Variants in TBC1D12 observed in about 807,000 individuals in gnomAD.
The protein encoded by TBC1D12 is TBC1 domain family, member 12.
Under a neutral mutation model 86.7 loss-of-function variants are expected in TBC1D12, and 56 were observed. The ratio of observed to expected loss-of-function variants is 0.65; its 90% CI spans 0.52 to 0.81. The LOEUF (loss-of-function observed/expected upper bound fraction) is 0.81, where lower values mean the gene tolerates loss of function less well. TBC1D12 is among the 30% of genes least tolerant of loss of function. The pLI is 0.00. For synonymous variants in TBC1D12, 421 were observed against 411.7 expected, an observed-to-expected ratio of 1.02 and a Z score of -0.27; for missense variants, 1,023 against 1,038.8, an observed-to-expected ratio of 0.98 and a Z score of 0.21.
chr10:94,513,452 G>A (rs1334478027), intron 9 of TBC1D12, among the ~76,000 whole-genome samples: 2 of 152,186 alleles, frequency 1.3e-5, no homozygotes, highest in South Asian at 2.1e-4. Context: ...TTTAAATACT[G>A]TAATAAATTT....
intron 2 of TBC1D12, among the ~76,000 whole-genome samples, chr10:94,463,674 GT>G (rs1289022694): frequency 2.0e-5 from 3 of 152,090 alleles, no homozygotes; most frequent in African/African-American, 2.4e-5. Context: ...TGCAATTTTA[GT>G]TTTTTTCAAT....
chr10:94,428,834 TGA>T (rs2055179729), intron 1 of TBC1D12, among the ~76,000 whole-genome samples: 1 of 150,202 alleles, frequency 6.7e-6, no homozygotes, highest in Admixed American at 6.6e-5. Context: ...TTCAGCCTTC[TGA>T]GTAGCTGGGA....
chr10:94,488,646 C>G, intron 3 of TBC1D12, among the ~76,000 whole-genome samples: 1 of 151,672 alleles, frequency 6.6e-6, no homozygotes, highest in Non-Finnish European at 1.5e-5. Context: ...CCCGCTTCCA[C>G]CTTCCAAAGT....
At position 94,403,333 on chromosome 10, in the gene TBC1D12, CG is replaced by C; in HGVS notation, c.725del (p.Gly242ValfsTer38). ...ACTCAGAGCAGCGGGGAGTCGGCGC[CG>C]GGGGTCCCGAGGAGGGCGCGCCCCC... ...EDSEQRGVGA[G>X]GPEEGAPPAT... On this transcript the variant is annotated frameshift_variant, in exon 1 of 13. Coordinates refer to ENST00000225235, the MANE Select transcript of TBC1D12 (RefSeq NM_015188.2). LOFTEE classifies it high-confidence loss of function. 6.6e-7 allele frequency: 1 copy of C among 1,520,896 alleles called. No individual in the cohort carries two copies. Among genetic ancestry groups the C allele is most frequent in the Non-Finnish European group, 8.8e-7 (1 of 1,135,074 alleles). The allele number at this position is 1,520,896 out of a possible 1,614,324, so 94.2% of individuals were successfully genotyped here.
chr10:94,508,244 CT>C (rs918704035), intron 7 of TBC1D12, among the ~76,000 whole-genome samples: 20 of 147,980 alleles, frequency 1.4e-4, no homozygotes, highest in Admixed American at 2.0e-4. Flanking sequence ...TATACTCTCT[CT>C]TTTTTTTTTC....
At chr10:94,407,417 C>G (rs2054869715) in intron 1 of TBC1D12, among the ~76,000 whole-genome samples, 1 of 152,164 alleles carries the variant, frequency 6.6e-6, no homozygotes, top group South Asian at 2.1e-4. Context: ...CGCAGTGGCT[C>G]ACGCCTGTAA....
At chr10:94,469,525 T>G (rs965771948) in intron 2 of TBC1D12, among the ~76,000 whole-genome samples, 1 of 145,452 alleles carries the variant, frequency 6.9e-6, no homozygotes, top group African/African-American at 2.5e-5. Context: ...CTCGGCTCAC[T>G]GCAACCCTCT....
intron 1 of TBC1D12, among the ~76,000 whole-genome samples, chr10:94,425,449 G>A (rs2055133002): frequency 6.6e-6 from 1 of 152,232 alleles, no homozygotes; most frequent in Admixed American, 6.5e-5. Flanking sequence ...AGGGCATTGT[G>A]AAGGTTACAT....
At chr10:94,487,222 G>A (rs1438053223) in intron 3 of TBC1D12, among the ~76,000 whole-genome samples, 4 of 147,748 alleles carry the variant, frequency 2.7e-5, no homozygotes, top group African/African-American at 7.4e-5. Flanking sequence ...GTGTTTCTTG[G>A]AGGCATCATA....
In TBC1D12 at chr10:94,459,888, C is replaced by A. The variant is rs544111847; in HGVS notation, c.1096-14780C>A. ...TCCTGCCTGCACCTCTCACTCCACACCTCCTGGCAAGTAGAGGGAGCCAGC... is the reference window on the plus strand; with the variant it reads ...TCCTGCCTGCACCTCTCACTCCACAACTCCTGGCAAGTAGAGGGAGCCAGC... On this transcript the variant is annotated intron_variant, in intron 2 of 12. Coordinates refer to ENST00000225235, the MANE Select transcript of TBC1D12 (RefSeq NM_015188.2). Among the ~76,000 whole-genome samples, 13 of 152,304 alleles carry A rather than the reference C, an allele frequency of 8.5e-5. No individual in the cohort carries two copies. In the East Asian group the frequency reaches 2.1e-3, roughly 25 times the overall value.
intron 1 of TBC1D12, among the ~76,000 whole-genome samples, chr10:94,426,241 C>T (rs1460305299): frequency 6.6e-6 from 1 of 152,158 alleles, no homozygotes; most frequent in South Asian, 2.1e-4. Context: ...TTTCCATTCT[C>T]AGGGGAAACA....
At chr10:94,501,797 C>T (rs1294115928) in intron 6 of TBC1D12, among the ~76,000 whole-genome samples, 2 of 151,864 alleles carry the variant, frequency 1.3e-5, no homozygotes, top group Admixed American at 6.5e-5. Context: ...ATCCACTTGC[C>T]TCAGCCTCCC....
At chr10:94,467,905 T>C (rs908005571) in intron 2 of TBC1D12, among the ~76,000 whole-genome samples, 6 of 152,240 alleles carry the variant, frequency 3.9e-5, no homozygotes, top group African/African-American at 1.4e-4. Flanking sequence ...TATTCAGCAT[T>C]GCTGAGCACC....
intron 3 of TBC1D12, among the ~76,000 whole-genome samples, chr10:94,483,326 A>G (rs1004196059): frequency 3.3e-5 from 5 of 152,080 alleles, no homozygotes; most frequent in African/African-American, 1.2e-4. Context: ...TAGTTTTTTT[A>G]GGAACCTCCA....
In TBC1D12 at chr10:94,414,669, G is replaced by A. The variant is rs372034257; in HGVS notation, c.971+11085G>A. ...GTCTGGAGTACAGTGGTGCGATCTC[G>A]GCTCTCTGCCACCTCCGCTTCCCAG... On this transcript the variant is annotated intron_variant, in intron 1 of 12. Coordinates refer to ENST00000225235, the MANE Select transcript of TBC1D12 (RefSeq NM_015188.2). 4.6e-4 allele frequency among the ~76,000 whole-genome samples: 68 copies of A among 147,222 alleles called. No homozygotes were observed. In the East Asian group the frequency reaches 0.012, roughly 26 times the overall value.
At chr10:94,423,099 T>TGAAA (rs1270347083) in intron 1 of TBC1D12, among the ~76,000 whole-genome samples, 1 of 151,370 alleles carries the variant, frequency 6.6e-6, no homozygotes, top group East Asian at 1.9e-4. Context: ...GGCCCTGTCT[T>TGAAA]GAAAGAAAGA....
At chr10:94,520,771 T>A (rs1842129066) in intron 9 of TBC1D12, among the ~76,000 whole-genome samples, 1 of 151,550 alleles carries the variant, frequency 6.6e-6, no homozygotes, top group African/African-American at 2.4e-5. Context: ...GCCATTCTCC[T>A]GCCTCAGCCT....
intron 7 of TBC1D12, among the ~76,000 whole-genome samples, chr10:94,508,095 A>C (rs558973627): frequency 3.3e-5 from 5 of 152,250 alleles, no homozygotes; most frequent in Non-Finnish European, 7.4e-5. Context: ...TATTTCCTGG[A>C]TATGTATAAT....
At chr10:94,456,611 T>A (rs2055630393) in intron 2 of TBC1D12, among the ~76,000 whole-genome samples, 1 of 152,240 alleles carries the variant, frequency 6.6e-6, no homozygotes, top group Admixed American at 6.5e-5. Context: ...TGGTGAATGT[T>A]CCATGTTAGC....
Sources: gnomAD v4.1 joint callset for allele counts (sites outside exome capture counted in the v4.1 genomes callset) on GRCh38, gnomAD v4.1.1 for gene constraint, MANE v1.5 for transcripts, NCBI Gene and HGNC (gene_info 2026-07-23, HGNC 2026-07-21) for gene names.